MAP2K7: variants seen among roughly 807,000 people sequenced by gnomAD.
MAP2K7 encodes dual specificity mitogen-activated protein kinase kinase 7.
A neutral mutation model predicts 47.7 loss-of-function variants in MAP2K7; 12 were observed. That is an observed-to-expected ratio of 0.25 (90% CI 0.16 to 0.41). The LOEUF (loss-of-function observed/expected upper bound fraction) is 0.41, where lower values mean the gene tolerates loss of function less well. Ranked by LOEUF, MAP2K7 falls within the 10% of genes least tolerant of loss-of-function variation. The pLI, the probability that MAP2K7 is intolerant of heterozygous loss-of-function variation, is 1.00. For synonymous variants in MAP2K7, 299 were observed against 243.0 expected, an observed-to-expected ratio of 1.23 and a Z score of -2.14; for missense variants, 415 against 600.3, an observed-to-expected ratio of 0.69 and a Z score of 3.23.
At chr19:7,907,985 C>T (rs1212297476) in intron 1 of MAP2K7, among the ~76,000 whole-genome samples, 2 of 151,940 alleles carry the variant, frequency 1.3e-5, no homozygotes, top group Non-Finnish European at 2.9e-5. Flanking sequence ...GCCAACATAG[C>T]GAGACCCCAT....
chr19:7,907,219 G>A (rs1215382053), intron 1 of MAP2K7, among the ~76,000 whole-genome samples: 6 of 152,106 alleles, frequency 3.9e-5, no homozygotes, highest in South Asian at 2.1e-4. Context: ...GGCTCTGAGC[G>A]CAGCGCCAGC....
In MAP2K7 at chr19:7,911,028, C is replaced by T. The variant is rs1982813399; in HGVS notation, c.724C>T (p.Arg242Cys). The change falls in exon 7 of 11, where the codon CGC becomes TGC. Residue 242 changes from arginine (R) to cysteine (C), a missense_variant. Physicochemically the swap from Arg to Cys is radical, Grantham distance 180. This residue lies in a region of MAP2K7 where 206 missense variants were observed against 368.8 expected (regional missense o/e 0.56). Transcript: ENST00000397979. ...GAAGGAGAAGCACGGTGTCATCCAC[C>T]GCGACGTCAAGCCCTCCAACATCCT... ...YLKEKHGVIH[R>C]DVKPSNILLD... The T allele has an allele frequency of 1.2e-6, 2 of 1,612,754 alleles. No homozygotes were observed. Among genetic ancestry groups the T allele is most frequent in the Non-Finnish European group, 1.7e-6 (2 of 1,179,864 alleles).
At chr19:7,905,799 C>T (rs960643236) in intron 1 of MAP2K7, 10 of 1,610,850 alleles carry the variant, frequency 6.2e-6, no homozygotes, top group Non-Finnish European at 6.8e-6. Flanking sequence ...CTTCCTTTTC[C>T]CCATCCAGTT....
At chr19:7,907,720 C>G (rs760994794) in intron 1 of MAP2K7, among the ~76,000 whole-genome samples, 2 of 152,198 alleles carry the variant, frequency 1.3e-5, no homozygotes, top group Non-Finnish European at 2.9e-5. Flanking sequence ...CTGGTGGGCT[C>G]TGTCAGGGAA....
rs1429459127 is a variant in MAP2K7 at position 7,914,254 on chromosome 19, T to TGCCTCCCAGCCTCTCCC, written c.*1824_*1840dup. ...TGGGGAGCCCTGGGGGAGTCTCTCC[T>TGCCTCCCAGCCTCTCCC]GCCTCCCAGCCTCTCCCAAGACCTC... On this transcript the variant is annotated 3_prime_UTR_variant, in exon 11 of 11. Transcript: ENST00000397979. The TGCCTCCCAGCCTCTCCC allele has an allele frequency of 2.0e-5, 3 of 152,288 alleles. No individual in the cohort carries two copies. Among genetic ancestry groups the TGCCTCCCAGCCTCTCCC allele is most frequent in the Non-Finnish European group, 4.4e-5 (3 of 68,012 alleles). 9.4% of individuals were successfully genotyped at this position (152,288 alleles called of 1,614,324 possible). A position where few individuals can be genotyped will look rare whatever the true frequency, so the allele number is the denominator to read the frequency against.
intron 8 of MAP2K7, 27 bp from the exon 9 acceptor site, chr19:7,911,409 G>A (rs1014816452): frequency 1.1e-5 from 17 of 1,613,118 alleles, no homozygotes; most frequent in Non-Finnish European, 1.4e-5. Flanking sequence ...ACATAAACCT[G>A]TCCAGCCCTG....
rs549845024 is a variant in MAP2K7 at position 7,912,623 on chromosome 19, C to G, written c.*192C>G. ...TACCAAGCCCCCGCCCTTCCCACCC[C>G]GGGGTCAGCCGGCCGTGTGCGTCCC... On this transcript the variant is annotated 3_prime_UTR_variant, in exon 11 of 11. Coordinates refer to ENST00000397979, the MANE Select transcript of MAP2K7 (RefSeq NM_145185.4). The G allele has an allele frequency of 3.1e-6, 2 of 649,010 alleles. No individual in the cohort carries two copies. The highest frequency in any genetic ancestry group is 2.0e-5 in the South Asian group (1 of 51,144). 40.2% of individuals were successfully genotyped at this position (649,010 alleles called of 1,614,324 possible). A position where few individuals can be genotyped will look rare whatever the true frequency, so the allele number is the denominator to read the frequency against.
chr19:7,911,901 C>T (rs1412955542), intron 9 of MAP2K7, among the ~76,000 whole-genome samples: 4 of 152,146 alleles, frequency 2.6e-5, no homozygotes, highest in African/African-American at 4.8e-5. Context: ...CCCCACCCAC[C>T]TTTCTGGGGG....
Position 7,911,171 on chromosome 19 carries a change from C to G in MAP2K7, c.855+12C>G. 6 of 1,607,342 alleles carry G rather than the reference C, an allele frequency of 3.7e-6. No homozygotes were observed. The highest frequency in any genetic ancestry group is 5.1e-6 in the Non-Finnish European group (6 of 1,176,666). ...CCGCCTACATGGCAGTGAGTGGGGG[C>G]CCCCCAGCGGGGGAGGGGGTGGGGG... On this transcript the variant is annotated intron_variant, in intron 7 of 10. Coordinates refer to ENST00000397979, the MANE Select transcript of MAP2K7 (RefSeq NM_145185.4).
chr19:7,905,063 G>C (rs987207670), intron 1 of MAP2K7, among the ~76,000 whole-genome samples: 7 of 150,464 alleles, frequency 4.7e-5, no homozygotes, highest in Non-Finnish European at 1.0e-4. Flanking sequence ...CTAGTCTCCC[G>C]GCTTTTTCCC....
intron 1 of MAP2K7, among the ~76,000 whole-genome samples, chr19:7,907,980 C>G (rs1982573936): frequency 6.6e-6 from 1 of 152,094 alleles, no homozygotes; most frequent in Admixed American, 6.5e-5. Context: ...GCCTGGCCAA[C>G]ATAGCGAGAC....
rs1391474983 is a variant in MAP2K7 at position 7,904,051 on chromosome 19, C to T, written c.107C>T (p.Pro36Leu). Residue 36 changes from proline (P) to leucine (L), a missense_variant, in exon 1 of 11, where the codon CCC (proline) becomes CTC (leucine). By Grantham distance (98) the Pro-to-Leu change is moderately conservative. Coordinates refer to ENST00000397979, the MANE Select transcript of MAP2K7 (RefSeq NM_145185.4). ...ATCGACCTCAACCTGGATATCAGCC[C>T]CCAGCGGCCCAGGCCCAGTAAGCAC... The part of the protein sequence containing the change: ...RRIDLNLDIS[P>L]QRPRPTLQLP... 2.0e-6 allele frequency: 3 copies of T among 1,496,064 alleles called. No homozygotes were observed. The highest frequency in any genetic ancestry group is 1.3e-5 in the South Asian group (1 of 79,154). 92.7% of individuals were successfully genotyped at this position (1,496,064 alleles called of 1,614,324 possible).
chr19:7,905,154 C>G (rs1599619949), intron 1 of MAP2K7, among the ~76,000 whole-genome samples: 1 of 152,180 alleles, frequency 6.6e-6, no homozygotes, highest in Admixed American at 6.5e-5. Flanking sequence ...GACCCATGAT[C>G]CTTTTTGTGT....
At chr19:7,905,273 T>C (rs1415531290) in intron 1 of MAP2K7, among the ~76,000 whole-genome samples, 1 of 152,008 alleles carries the variant, frequency 6.6e-6, no homozygotes, top group African/African-American at 2.4e-5. Flanking sequence ...TACCCCCGTA[T>C]CTGGGCACCC....
chr19:7,910,193 C>T (rs772255309), intron 3 of MAP2K7, 64 bp downstream of exon 3: 68 of 1,596,428 alleles, frequency 4.3e-5, no homozygotes, highest in East Asian at 1.6e-4. Flanking sequence ...ATCCTGGGAG[C>T]GCCAGTGGGG....
At chr19:7,908,313 G>C (rs1434326972) in intron 1 of MAP2K7, among the ~76,000 whole-genome samples, 1 of 152,184 alleles carries the variant, frequency 6.6e-6, no homozygotes, top group Non-Finnish European at 1.5e-5. Context: ...CCCTTCCCCT[G>C]CTCCTGCCTG....
intron 9 of MAP2K7, among the ~76,000 whole-genome samples, 200 bp downstream of exon 9, chr19:7,911,778 G>A (rs1348101548): frequency 6.6e-6 from 1 of 152,214 alleles, no homozygotes; most frequent in East Asian, 1.9e-4. Flanking sequence ...TAGCCTGAGG[G>A]GACAGCCAGC....
At chr19:7,904,193 C>G (rs569935737) in intron 1 of MAP2K7, 125 bp downstream of exon 1, 8 of 798,276 alleles carry the variant, frequency 1.0e-5, no homozygotes, top group South Asian at 1.2e-4. Context: ...TCCGCCCCCC[C>G]CGCTGCGGGC....
chr19:7,910,163 G>A (rs757965852), intron 3 of MAP2K7, 34 bp downstream of exon 3: 4 of 1,591,820 alleles, frequency 2.5e-6, no homozygotes, highest in Non-Finnish European at 3.4e-6. Context: ...AGAGGGAGGA[G>A]GCCCAGCCAG....
Sources: allele counts gnomAD v4.1 joint callset (sites outside exome capture counted in the v4.1 genomes callset), GRCh38; gene constraint gnomAD v4.1.1; regional missense constraint gnomAD v4.1.1; transcripts MANE v1.5; gene names NCBI Gene and HGNC (gene_info 2026-07-23, HGNC 2026-07-21).